The following RNF24 variants were observed in gnomAD, a reference collection of about 807,000 sequenced individuals.
RNF24 encodes the protein ring finger protein 24.
A neutral mutation model predicts 20.0 loss-of-function variants in RNF24; 14 were observed. The ratio of observed to expected loss-of-function variants is 0.70; its 90% CI spans 0.46 to 1.10. The LOEUF is 1.10. RNF24 is among the 50% of genes least tolerant of loss of function. The pLI is 0.00. For synonymous variants in RNF24, 45 were observed against 61.1 expected, an observed-to-expected ratio of 0.74 and a Z score of 1.23; for missense variants, 124 against 177.6, an observed-to-expected ratio of 0.70 and a Z score of 1.71.
chr20:3,962,862 C>T (rs1052291610), intron 2 of RNF24, among the ~76,000 whole-genome samples: 2 of 151,676 alleles, frequency 1.3e-5, no homozygotes, highest in African/African-American at 2.4e-5. Flanking sequence ...CACCACACCT[C>T]GCTAATTTTT....
At chr20:4,002,524 A>G (rs1981499453) in intron 1 of RNF24, among the ~76,000 whole-genome samples, 1 of 152,242 alleles carries the variant, frequency 6.6e-6, no homozygotes, top group South Asian at 2.1e-4. Flanking sequence ...GCCATAATAA[A>G]AAAATTTAAA....
intron 2 of RNF24, among the ~76,000 whole-genome samples, chr20:3,962,336 AGAGT>A (rs1399090540): frequency 5.3e-5 from 8 of 152,216 alleles, no homozygotes; most frequent in African/African-American, 1.9e-4. Flanking sequence ...CCTAGGTAAC[AGAGT>A]GAGAACCCAT....
intron 1 of RNF24, among the ~76,000 whole-genome samples, chr20:4,002,181 C>G (rs952166671): frequency 6.6e-6 from 1 of 151,862 alleles, no homozygotes; most frequent in African/African-American, 2.4e-5. Context: ...GTCAGGAGAT[C>G]GAGACCATCT....
intron 1 of RNF24, among the ~76,000 whole-genome samples, chr20:3,980,390 C>T (rs1306017651): frequency 6.6e-6 from 1 of 152,156 alleles, no homozygotes; most frequent in African/African-American, 2.4e-5. Flanking sequence ...CCCTAATGGG[C>T]AGGTAGTGTA....
At chr20:3,941,936 T>C (rs1452010921) in intron 4 of RNF24, among the ~76,000 whole-genome samples, 13 of 151,794 alleles carry the variant, frequency 8.6e-5, no homozygotes, top group Non-Finnish European at 4.4e-5. Flanking sequence ...TAGCTGGGCG[T>C]GGTGGTGGAC....
At chr20:3,998,254 C>A (rs1981054145) in intron 1 of RNF24, among the ~76,000 whole-genome samples, 1 of 151,876 alleles carries the variant, frequency 6.6e-6, no homozygotes, top group African/African-American at 2.4e-5. Context: ...ACCTGACCAA[C>A]AAGGTGAAAC....
At chr20:3,994,292 A>G (rs1398285873) in intron 1 of RNF24, among the ~76,000 whole-genome samples, 1 of 152,204 alleles carries the variant, frequency 6.6e-6, no homozygotes, top group Non-Finnish European at 1.5e-5. Context: ...AAAGGTAGGA[A>G]TTGGCTGTGA....
chr20:3,966,133 CAAAAAAAAAAAA>C (rs574975352), intron 1 of RNF24, among the ~76,000 whole-genome samples: 3 of 81,468 alleles, frequency 3.7e-5, no homozygotes, highest in Non-Finnish European at 6.7e-5. Context: ...GATTCCATCT[CAAAAAAAAAAAA>C]AAAAAAAAAA....
intron 1 of RNF24, among the ~76,000 whole-genome samples, chr20:4,000,685 G>C (rs1319563135): frequency 6.6e-6 from 1 of 152,112 alleles, no homozygotes; most frequent in Non-Finnish European, 1.5e-5. Flanking sequence ...CTGCATAACT[G>C]AACTCATATT....
intron 1 of RNF24, among the ~76,000 whole-genome samples, chr20:4,014,736 TGC>T (rs200134607): frequency 8.0e-5 from 9 of 113,130 alleles, no homozygotes; most frequent in East Asian, 4.9e-4. Flanking sequence ...TTCACTTGAA[TGC>T]GCACACACAC....
intron 1 of RNF24, among the ~76,000 whole-genome samples, chr20:3,996,528 T>G (rs1162229547): frequency 1.3e-5 from 2 of 152,176 alleles, no homozygotes. Flanking sequence ...AATGAGTCTG[T>G]ATCAGAGACT....
In RNF24 at chr20:3,931,405, TAAAA is replaced by T. The variant is rs763453878; in HGVS notation, c.*2654_*2657del. 2 of 151,680 alleles carry T rather than the reference TAAAA, an allele frequency of 1.3e-5. No homozygotes were observed. Among genetic ancestry groups the T allele is most frequent in the South Asian group, 2.1e-4 (1 of 4,814 alleles). 9.4% of individuals were successfully genotyped at this position (151,680 alleles called of 1,614,324 possible). Reference sequence around the variant, plus strand: ...TAACTCATTCCTTTTTCAAAATAAATAAAAAAAGGACTGTCTTTCAAACAAAAAC... The same window carrying T: ...TAACTCATTCCTTTTTCAAAATAAATAAAGGACTGTCTTTCAAACAAAAAC... On this transcript the variant is annotated 3_prime_UTR_variant, in exon 6 of 6. Transcript: ENST00000358395.
intron 3 of RNF24, among the ~76,000 whole-genome samples, chr20:3,946,121 C>A (rs2091013243): frequency 1.3e-5 from 2 of 152,154 alleles, no homozygotes; most frequent in Admixed American, 6.5e-5. Context: ...ACTGCAAAGG[C>A]CAATTTTACT....
At chr20:3,941,726 C>T (rs1248305298) in intron 4 of RNF24, among the ~76,000 whole-genome samples, 1 of 152,200 alleles carries the variant, frequency 6.6e-6, no homozygotes, top group Admixed American at 6.6e-5. Context: ...CATGACCCAA[C>T]TATGCTGTCT....
rs1352114288 is a variant in RNF24, at chr20:3,927,708, C to T, written c.*6355G>A. The T allele has an allele frequency of 1.3e-5, 2 of 152,250 alleles. No homozygotes were observed. Among genetic ancestry groups the T allele is most frequent in the Admixed American group, 6.5e-5 (1 of 15,276 alleles). 9.4% of individuals were successfully genotyped at this position (152,250 alleles called of 1,614,324 possible). A position where few individuals can be genotyped will look rare whatever the true frequency, so the allele number is the denominator to read the frequency against. ...TCCTAACACTTGCCACACCTGCTCC[C>T]CCGACCGGGGGCCTGGGAGGGAAGG... On this transcript the variant is annotated 3_prime_UTR_variant, in exon 6 of 6. Transcript: ENST00000358395.
chr20:4,001,819 G>A (rs930185106), intron 1 of RNF24, among the ~76,000 whole-genome samples: 3 of 152,030 alleles, frequency 2.0e-5, no homozygotes, highest in Admixed American at 6.6e-5. Flanking sequence ...ATGGTGACAT[G>A]TGCCTGTAGT....
chr20:3,948,177 A>T, intron 3 of RNF24, 60 bp downstream of exon 3: 2 of 1,214,886 alleles, frequency 1.6e-6, no homozygotes, highest in Non-Finnish European at 2.4e-6. Context: ...TGGAAATCAG[A>T]GTTCTCAGTT....
At chr20:3,989,028 G>A (rs963113473) in intron 1 of RNF24, among the ~76,000 whole-genome samples, 5 of 152,026 alleles carry the variant, frequency 3.3e-5, no homozygotes, top group African/African-American at 7.2e-5. Context: ...TTGTAAAGAC[G>A]CTAAATATTA....
At chr20:3,941,295 C>G (rs889968468) in intron 4 of RNF24, among the ~76,000 whole-genome samples, 2 of 152,028 alleles carry the variant, frequency 1.3e-5, no homozygotes, top group African/African-American at 2.4e-5. Context: ...AAAAACATGT[C>G]TGATGGGGAA....
Sources: allele counts gnomAD v4.1 joint callset (sites outside exome capture counted in the v4.1 genomes callset), GRCh38; gene constraint gnomAD v4.1.1; transcripts MANE v1.5; gene names NCBI Gene and HGNC (gene_info 2026-07-23, HGNC 2026-07-21).